Variants in SUPT3H observed in about 807,000 individuals in gnomAD.
The protein encoded by SUPT3H is transcription initiation protein SPT3 homolog.
In SUPT3H, 44 loss-of-function variants were observed where a neutral mutation model predicts 44.3. The ratio of observed to expected loss-of-function variants is 0.99; its 90% CI spans 0.78 to 1.28. The LOEUF (loss-of-function observed/expected upper bound fraction) is 1.28. Among genes scored for constraint, SUPT3H ranks in the 50% most tolerant of loss-of-function variants. The pLI is 0.00. For missense variants in SUPT3H, 380 were observed against 387.1 expected (o/e 0.98, Z 0.15); for synonymous variants, 124 against 125.6 (o/e 0.99, Z 0.09).
intron 2 of SUPT3H, among the ~76,000 whole-genome samples, chr6:45,356,642 T>A (rs1793247940): frequency 6.6e-6 from 1 of 152,028 alleles, no homozygotes; most frequent in Admixed American, 6.6e-5. Context: ...TGACCTCAAG[T>A]GATCTGCCCA....
At chr6:45,211,341 T>C (rs1764045042) in intron 2 of SUPT3H, among the ~76,000 whole-genome samples, 1 of 152,180 alleles carries the variant, frequency 6.6e-6, no homozygotes, top group African/African-American at 2.4e-5. Context: ...TCATACTTTA[T>C]GTTTATTTTT....
At chr6:45,318,393 C>A (rs563962443) in intron 2 of SUPT3H, among the ~76,000 whole-genome samples, 21 of 152,070 alleles carry the variant, frequency 1.4e-4, no homozygotes, top group Non-Finnish European at 2.4e-4. Flanking sequence ...AAGAAAAAAT[C>A]CTAATGTAAA....
chr6:45,299,803 A>C (rs922112750), intron 2 of SUPT3H, among the ~76,000 whole-genome samples: 94 of 152,094 alleles, frequency 6.2e-4, no homozygotes, highest in African/African-American at 2.2e-3. Context: ...ATATATATAC[A>C]TCTCAAATAC....
chr6:45,284,737 C>G (rs1778886680), intron 2 of SUPT3H, among the ~76,000 whole-genome samples: 1 of 152,198 alleles, frequency 6.6e-6, no homozygotes, highest in African/African-American at 2.4e-5. Context: ...CTCCCTAACT[C>G]ATTTTATGAG....
rs77329064 is a variant in SUPT3H, at chr6:45,027,879, A to G, written c.187-7247T>C. 6.2e-4 allele frequency among the ~76,000 whole-genome samples: 95 copies of G among 152,294 alleles called. 1 individual carries two copies. In the East Asian group the frequency reaches 0.016, roughly 26 times the overall value. ...CTGCTACCTTTTCTTCTAGCTTAAA[A>G]TGTTGCTGTTGACAAGTCGATTACA... On this transcript the variant is annotated intron_variant, in intron 3 of 10. Coordinates refer to ENST00000371459, the MANE Select transcript of SUPT3H (RefSeq NM_003599.4).
At chr6:44,982,115 A>T (rs1443387258) in intron 6 of SUPT3H, among the ~76,000 whole-genome samples, 7 of 152,224 alleles carry the variant, frequency 4.6e-5, no homozygotes, top group Non-Finnish European at 1.5e-5. Context: ...TAGTTCTAAG[A>T]TTTAAGAGAT....
At chr6:45,315,971 A>AGATG (rs1554339728) in intron 2 of SUPT3H, among the ~76,000 whole-genome samples, 10 of 146,054 alleles carry the variant, frequency 6.8e-5, no homozygotes, top group African/African-American at 2.0e-4. Context: ...ATAGATAGAT[A>AGATG]GATGATGGAA....
At chr6:45,221,521 C>T (rs1766054053) in intron 2 of SUPT3H, among the ~76,000 whole-genome samples, 1 of 151,980 alleles carries the variant, frequency 6.6e-6, no homozygotes, top group South Asian at 2.1e-4. Context: ...AATTACTTAA[C>T]AAAACATAAA....
intron 10 of SUPT3H, among the ~76,000 whole-genome samples, chr6:44,900,199 G>T (rs1038160164): frequency 2.0e-5 from 3 of 152,206 alleles, no homozygotes; most frequent in Non-Finnish European, 4.4e-5. Context: ...GCAGCGCACC[G>T]AGCGTGAGCT....
intron 1 of SUPT3H, among the ~76,000 whole-genome samples, chr6:45,373,590 C>T (rs927322508): frequency 2.0e-5 from 3 of 152,014 alleles, no homozygotes; most frequent in Non-Finnish European, 2.9e-5. Context: ...ATTGCTCTGT[C>T]GCCCAGGCTG....
At chr6:45,068,560 T>C (rs1793826417) in intron 3 of SUPT3H, among the ~76,000 whole-genome samples, 1 of 152,208 alleles carries the variant, frequency 6.6e-6, no homozygotes, top group Non-Finnish European at 1.5e-5. Context: ...TAATAGCAAG[T>C]TGATTGAAAA....
At chr6:45,306,815 C>T (rs141729739) in intron 2 of SUPT3H, among the ~76,000 whole-genome samples, 288 of 152,232 alleles carry the variant, frequency 1.9e-3, no homozygotes, top group African/African-American at 6.6e-3. Context: ...GCCCACTGAG[C>T]GTGAGCCAAA....
At chr6:45,044,991 ATAT>A (rs1298538780) in intron 3 of SUPT3H, among the ~76,000 whole-genome samples, 3 of 152,162 alleles carry the variant, frequency 2.0e-5, no homozygotes, top group Non-Finnish European at 4.4e-5. Flanking sequence ...TCTCAATTTC[ATAT>A]TGTGGATTAT....
At chr6:45,118,817 C>T (rs1801195724) in intron 2 of SUPT3H, among the ~76,000 whole-genome samples, 1 of 152,142 alleles carries the variant, frequency 6.6e-6, no homozygotes, top group Admixed American at 6.6e-5. Context: ...TAGCCCTGCA[C>T]TATAACCCTG....
At chr6:45,062,018 T>A (rs1306909759) in intron 3 of SUPT3H, among the ~76,000 whole-genome samples, 3 of 151,296 alleles carry the variant, frequency 2.0e-5, no homozygotes, top group Admixed American at 1.3e-4. Flanking sequence ...TTATTTAATA[T>A]CCAAATTTTC....
chr6:45,334,340 T>G (rs1788109018), intron 2 of SUPT3H, among the ~76,000 whole-genome samples: 1 of 149,518 alleles, frequency 6.7e-6, no homozygotes, highest in Non-Finnish European at 1.5e-5. Context: ...CTCAAGAACT[T>G]AAATACACAT....
chr6:44,955,300 T>C (rs1774938072), intron 7 of SUPT3H: 1 of 152,406 alleles, frequency 6.6e-6, no homozygotes, highest in African/African-American at 2.4e-5. Context: ...CTTTCTCAGC[T>C]AGGAAGCCGG....
At chr6:45,253,874 C>A (rs6900951) in intron 2 of SUPT3H, among the ~76,000 whole-genome samples, 3 of 49,166 alleles carry the variant, frequency 6.1e-5, no homozygotes, top group Non-Finnish European at 1.2e-4. Flanking sequence ...TATATATATA[C>A]ACACACACAG....
At chr6:45,026,855 C>T in intron 3 of SUPT3H, among the ~76,000 whole-genome samples, 1 of 152,178 alleles carries the variant, frequency 6.6e-6, no homozygotes, top group Non-Finnish European at 1.5e-5. Flanking sequence ...TTTAAATATA[C>T]AGTGTTTATG....
Sources: allele counts gnomAD v4.1 joint callset (sites outside exome capture counted in the v4.1 genomes callset), GRCh38; gene constraint gnomAD v4.1.1; transcripts MANE v1.5; gene names NCBI Gene and HGNC (gene_info 2026-07-23, HGNC 2026-07-21).